Variants in DPP10 observed in about 807,000 individuals in gnomAD.
DPP10 encodes the protein inactive dipeptidyl peptidase 10.
A neutral mutation model predicts 120.9 loss-of-function variants in DPP10; 33 were observed. The ratio of observed to expected loss-of-function variants is 0.27; its 90% CI spans 0.21 to 0.37. DPP10 has a LOEUF of 0.37. Ranked by LOEUF, DPP10 falls within the 10% of genes least tolerant of loss-of-function variation. DPP10 has a pLI of 1.00. For synonymous variants in DPP10, 337 were observed against 326.1 expected (o/e 1.03, Z -0.36); for missense variants, 816 against 942.8 (o/e 0.87, Z 1.76).
intron 1 of DPP10, among the ~76,000 whole-genome samples, chr2:115,127,911 G>A (rs1012107345): frequency 1.1e-4 from 16 of 152,144 alleles, no homozygotes; most frequent in Admixed American, 8.5e-4. Flanking sequence ...TAGTTCATGC[G>A]TTTATCAGTT....
intron 1 of DPP10, among the ~76,000 whole-genome samples, chr2:114,534,735 C>A (rs1208214914): frequency 6.6e-6 from 1 of 151,464 alleles, no homozygotes; most frequent in Non-Finnish European, 1.5e-5. Flanking sequence ...TACGTATCAA[C>A]AATTTTATGG....
Position 114,442,669 on chromosome 2 carries a change from G to A in DPP10, c.-110G>A, listed in dbSNP as rs151095638. On this transcript the variant is annotated 5_prime_UTR_variant, in exon 1 of 26. Transcript: ENST00000410059. ...AGCAGCAGAAGCAACAGCAGTAGCA[G>A]CGGCAGCAGCAACAGCAGCAGCCCC... 1.2e-3 allele frequency: 1,462 copies of A among 1,236,126 alleles called. 11 individuals carry two copies. Among genetic ancestry groups the A allele is most frequent in the Middle Eastern group, 5.3e-3 (27 of 5,090 alleles). 76.6% of individuals were successfully genotyped at this position (1,236,126 alleles called of 1,614,324 possible).
At chr2:115,459,656 G>A (rs992582450) in intron 3 of DPP10, among the ~76,000 whole-genome samples, 4 of 151,796 alleles carry the variant, frequency 2.6e-5, no homozygotes, top group Non-Finnish European at 4.4e-5. Flanking sequence ...GGATAAAAAA[G>A]CAATTTGAGG....
At chr2:114,917,298 C>A (rs2106636061) in intron 1 of DPP10, among the ~76,000 whole-genome samples, 1 of 152,260 alleles carries the variant, frequency 6.6e-6, no homozygotes, top group East Asian at 1.9e-4. Context: ...AGTTACAAAA[C>A]AGTCCTGAAA....
chr2:115,154,504 A>G (rs568413989), intron 1 of DPP10, among the ~76,000 whole-genome samples: 78 of 152,314 alleles, frequency 5.1e-4, no homozygotes, highest in African/African-American at 1.4e-3. Context: ...TATCAAGACT[A>G]TGTAATTCCT....
intron 21 of DPP10, among the ~76,000 whole-genome samples, chr2:115,822,943 C>G (rs1193025871): frequency 2.0e-5 from 3 of 151,970 alleles, no homozygotes; most frequent in African/African-American, 7.2e-5. Flanking sequence ...AAAATTGTTA[C>G]TAGAAGTTTC....
rs1558790109 is a variant in DPP10 at position 114,834,263 on chromosome 2, A to ATCTACACACCTATGTATATATAAGCCATG, written c.60+391475_60+391503dup. On this transcript the variant is annotated intron_variant, in intron 1 of 25. Transcript: ENST00000410059. Reference sequence around the variant, plus strand: ...ACACACCTATGTATATATAAGACATATCTACACACCTATGTATATATAAGC... The same window carrying ATCTACACACCTATGTATATATAAGCCATG: ...ACACACCTATGTATATATAAGACATATCTACACACCTATGTATATATAAGCCATGTCTACACACCTATGTATATATAAGC... Among the ~76,000 whole-genome samples, 162 of 106,024 alleles carry ATCTACACACCTATGTATATATAAGCCATG rather than the reference A, an allele frequency of 1.5e-3. 4 individuals are homozygous for ATCTACACACCTATGTATATATAAGCCATG. Among genetic ancestry groups the ATCTACACACCTATGTATATATAAGCCATG allele is most frequent in the African/African-American group, 5.8e-3 (146 of 25,012 alleles). The allele number at this position is 106,024 out of a possible 152,430, so 69.6% of individuals were successfully genotyped here. A position where few individuals can be genotyped will look rare whatever the true frequency, so the allele number is the denominator to read the frequency against.
intron 1 of DPP10, among the ~76,000 whole-genome samples, chr2:114,648,794 G>A (rs1192455361): frequency 6.6e-6 from 1 of 152,130 alleles, no homozygotes; most frequent in South Asian, 2.1e-4. Context: ...TGAAGAACTG[G>A]TAATTAGAGT....
At chr2:115,762,550 G>C (rs1447539781) in intron 11 of DPP10, 22 bp from the exon 12 acceptor site, 2 of 1,613,382 alleles carry the variant, frequency 1.2e-6, no homozygotes, top group South Asian at 2.2e-5. Flanking sequence ...GATGCTTCAT[G>C]GAGTTAATTG....
At chr2:115,245,696 T>G (rs1205217568) in intron 1 of DPP10, among the ~76,000 whole-genome samples, 1 of 152,008 alleles carries the variant, frequency 6.6e-6, no homozygotes, top group East Asian at 1.9e-4. Flanking sequence ...TTTATACCAT[T>G]GCTTTTAGAT....
intron 1 of DPP10, among the ~76,000 whole-genome samples, chr2:114,727,784 G>T (rs1015480415): frequency 3.3e-5 from 5 of 152,128 alleles, no homozygotes; most frequent in Admixed American, 3.3e-4. Flanking sequence ...AATAGAATTC[G>T]CCAGCCTCTG....
chr2:114,559,525 C>G (rs1013581039), intron 1 of DPP10, among the ~76,000 whole-genome samples: 1 of 152,178 alleles, frequency 6.6e-6, no homozygotes, highest in Non-Finnish European at 1.5e-5. Flanking sequence ...ATTTTAAGCA[C>G]TAATTTTGTG....
At chr2:114,776,593 T>C (rs900442675) in intron 1 of DPP10, among the ~76,000 whole-genome samples, 4 of 152,168 alleles carry the variant, frequency 2.6e-5, no homozygotes, top group Admixed American at 6.6e-5. Context: ...TATTGTTAAA[T>C]GTACAACATT....
intron 1 of DPP10, among the ~76,000 whole-genome samples, chr2:114,653,994 CTTG>C (rs1696797252): frequency 6.6e-6 from 1 of 152,020 alleles, no homozygotes; most frequent in South Asian, 2.1e-4. Flanking sequence ...TTCCAAAAGT[CTTG>C]TTGATGTTAT....
chr2:114,823,603 T>A (rs1558777822), intron 1 of DPP10, among the ~76,000 whole-genome samples: 1 of 152,126 alleles, frequency 6.6e-6, no homozygotes, highest in Non-Finnish European at 1.5e-5. Flanking sequence ...GACTCAGGGT[T>A]ATGGGAACAC....
At chr2:114,550,498 T>C (rs1373444647) in intron 1 of DPP10, among the ~76,000 whole-genome samples, 2 of 152,366 alleles carry the variant, frequency 1.3e-5, no homozygotes, top group East Asian at 3.9e-4. Flanking sequence ...ACCAGACATC[T>C]GCTGGCAGAG....
chr2:115,646,233 A>G (rs1176321711), intron 5 of DPP10, among the ~76,000 whole-genome samples: 1 of 152,166 alleles, frequency 6.6e-6, no homozygotes, highest in East Asian at 1.9e-4. Context: ...TCTACCTGGC[A>G]GTGATGGAGA....
intron 1 of DPP10, among the ~76,000 whole-genome samples, chr2:114,942,363 A>G (rs1448931209): frequency 1.0e-5 from 1 of 98,214 alleles, no homozygotes; most frequent in African/African-American, 4.3e-5. Context: ...ATATATATAC[A>G]TATATATACA....
chr2:115,771,255 A>G (rs1183843610), intron 13 of DPP10, among the ~76,000 whole-genome samples: 1 of 151,660 alleles, frequency 6.6e-6, no homozygotes, highest in Non-Finnish European at 1.5e-5. Flanking sequence ...TTGTATTTTT[A>G]GTAGAGGCGG....
Sources: gnomAD v4.1 joint callset for allele counts (sites outside exome capture counted in the v4.1 genomes callset) on GRCh38, gnomAD v4.1.1 for gene constraint, MANE v1.5 for transcripts, NCBI Gene and HGNC (gene_info 2026-07-23, HGNC 2026-07-21) for gene names.